The following PIBF1 variants were observed in gnomAD, a reference collection of about 807,000 sequenced individuals.
PIBF1 encodes progesterone-induced-blocking factor 1.
Under a neutral mutation model 112.5 loss-of-function variants are expected in PIBF1, and 90 were observed. The ratio of observed to expected loss-of-function variants is 0.80; its 90% CI spans 0.67 to 0.95. PIBF1 has a LOEUF of 0.95. PIBF1 is among the 40% of genes least tolerant of loss of function. The pLI, the probability that PIBF1 is intolerant of heterozygous loss-of-function variation, is 0.00. For missense variants in PIBF1, 915 were observed against 852.3 expected (o/e 1.07, Z -0.92); for synonymous variants, 301 against 288.6 (o/e 1.04, Z -0.44).
intron 14 of PIBF1, among the ~76,000 whole-genome samples, chr13:72,932,920 A>G (rs2041753830): frequency 6.6e-6 from 1 of 152,070 alleles, no homozygotes; most frequent in Non-Finnish European, 1.5e-5. Flanking sequence ...CTTTGTGTGG[A>G]TGTACCAGTT....
chr13:72,802,029 T>C (rs1381308367), intron 5 of PIBF1, among the ~76,000 whole-genome samples: 1 of 152,234 alleles, frequency 6.6e-6, no homozygotes, highest in Non-Finnish European at 1.5e-5. Context: ...CTAGCTTTTA[T>C]TGTAAGAATA....
intron 16 of PIBF1, among the ~76,000 whole-genome samples, chr13:72,996,325 A>G (rs1407784724): frequency 6.6e-6 from 1 of 152,070 alleles, no homozygotes; most frequent in Non-Finnish European, 1.5e-5. Flanking sequence ...ATAAACATAC[A>G]CAAACCCTTA....
At chr13:72,920,648 G>C (rs752386516) in intron 13 of PIBF1, among the ~76,000 whole-genome samples, 3 of 152,094 alleles carry the variant, frequency 2.0e-5, no homozygotes, top group African/African-American at 7.2e-5. Flanking sequence ...GGAGCCAGAC[G>C]CACTGGCATG....
chr13:72,947,043 G>A lies in PIBF1; in HGVS notation c.1833+15776G>A, dbSNP rs572965154. On this transcript the variant is annotated intron_variant, in intron 14 of 17. Transcript: ENST00000326291. The stretch of plus-strand genomic sequence containing the variant: ...TGCTCCAACCCCACATTTCCCTTCC[G>A]CACTGCCCTAGCAGAGGTTCTCCAT... Among the ~76,000 whole-genome samples the A allele has an allele frequency of 7.7e-4, 118 of 152,304 alleles. 1 individual carries two copies. Among genetic ancestry groups the A allele is most frequent in the African/African-American group, 1.3e-3 (52 of 41,572 alleles).
chr13:72,999,043 C>T, intron 17 of PIBF1, 48 bp downstream of exon 17: 2 of 1,230,706 alleles, frequency 1.6e-6, no homozygotes, highest in Middle Eastern at 2.8e-4. Flanking sequence ...CTGATTCTTA[C>T]TAAATGTATT....
intron 5 of PIBF1, among the ~76,000 whole-genome samples, chr13:72,805,638 G>A (rs950191512): frequency 2.0e-5 from 3 of 152,046 alleles, no homozygotes; most frequent in Non-Finnish European, 2.9e-5. Context: ...TAAGCTTTGG[G>A]GAAAAAAACA....
At chr13:72,971,826 C>G (rs187831447) in intron 15 of PIBF1, among the ~76,000 whole-genome samples, 11 of 151,806 alleles carry the variant, frequency 7.2e-5, no homozygotes, top group Admixed American at 2.0e-4. Context: ...GCATCTAGTC[C>G]GTCTCCTCAG....
chr13:72,950,273 A>T (rs149751333), intron 14 of PIBF1, among the ~76,000 whole-genome samples: 1 of 152,202 alleles, frequency 6.6e-6, no homozygotes, highest in Non-Finnish European at 1.5e-5. Flanking sequence ...GAGAACCCCA[A>T]TACTTTCATT....
At chr13:72,884,922 GTTC>G (rs1207775534) in intron 10 of PIBF1, among the ~76,000 whole-genome samples, 9 of 152,012 alleles carry the variant, frequency 5.9e-5, no homozygotes, top group African/African-American at 1.9e-4. Flanking sequence ...ATGTGATTTA[GTTC>G]TTATTATGTC....
chr13:72,823,239 T>A (rs1031247207), intron 6 of PIBF1, among the ~76,000 whole-genome samples: 4 of 152,058 alleles, frequency 2.6e-5, no homozygotes, highest in Non-Finnish European at 1.5e-5. Flanking sequence ...AAAAGCACAG[T>A]CATCAGAATA....
chr13:72,911,368 G>T (rs1169710124), intron 12 of PIBF1, among the ~76,000 whole-genome samples: 2 of 151,952 alleles, frequency 1.3e-5, no homozygotes, highest in African/African-American at 2.4e-5. Flanking sequence ...TTTAACAAAG[G>T]CAGCAAAGCA....
In PIBF1 at chr13:72,965,294, A is replaced by G. The variant is rs1453178310; in HGVS notation, c.1854A>G (p.Leu618=). Residue 618 remains leucine, a synonymous_variant, in exon 15 of 18, where the codon CTA becomes CTG. Transcript: ENST00000326291. ...TTTAGCTTGACAGAGCCAATTCGCT[A>G]TTAAACCAGACTCAACAGCCTTACA... ...LSQELDRANS[L]LNQTQQPYRY... is the part of the protein sequence containing the mutation. 1.1e-5 allele frequency: 18 copies of G among 1,611,078 alleles called. No individual in the cohort carries two copies. The highest frequency in any genetic ancestry group is 2.2e-5 in the East Asian group (1 of 44,796).
At chr13:72,906,823 G>C (rs1489953032) in intron 11 of PIBF1, among the ~76,000 whole-genome samples, 8 of 151,854 alleles carry the variant, frequency 5.3e-5, no homozygotes, top group African/African-American at 1.7e-4. Flanking sequence ...GGGGAGGTGG[G>C]GTACAAATGA....
At chr13:72,997,822 T>G (rs1389563952) in intron 16 of PIBF1, among the ~76,000 whole-genome samples, 2 of 152,210 alleles carry the variant, frequency 1.3e-5, no homozygotes, top group African/African-American at 4.8e-5. Flanking sequence ...GAGTTTAGCC[T>G]GTCATCTCTC....
intron 11 of PIBF1, among the ~76,000 whole-genome samples, chr13:72,902,293 CG>C (rs1566426792): frequency 6.7e-6 from 1 of 148,242 alleles, no homozygotes. Flanking sequence ...TATACTGCCC[CG>C]GTTGATGGGT....
intron 11 of PIBF1, among the ~76,000 whole-genome samples, chr13:72,895,599 A>G: frequency 6.6e-6 from 1 of 151,930 alleles, no homozygotes; most frequent in East Asian, 1.9e-4. Context: ...TTTTACCTTT[A>G]GATAGGTCTG....
chr13:72,892,986 A>G (rs972006016), intron 10 of PIBF1, among the ~76,000 whole-genome samples: 11 of 152,312 alleles, frequency 7.2e-5, no homozygotes, highest in African/African-American at 2.6e-4. Flanking sequence ...CTACCAATGT[A>G]TACACCTTAC....
At chr13:72,879,716 G>C (rs1435646911) in intron 10 of PIBF1, among the ~76,000 whole-genome samples, 1 of 152,080 alleles carries the variant, frequency 6.6e-6, no homozygotes, top group Non-Finnish European at 1.5e-5. Flanking sequence ...ATGGCCGATA[G>C]GCCAAATCCA....
At chr13:73,003,143 T>A (rs2043926196) in intron 17 of PIBF1, among the ~76,000 whole-genome samples, 2 of 152,136 alleles carry the variant, frequency 1.3e-5, no homozygotes, top group South Asian at 4.1e-4. Context: ...TTGGCTAGCA[T>A]ATGTTGTATA....
Sources: allele counts gnomAD v4.1 joint callset (sites outside exome capture counted in the v4.1 genomes callset), GRCh38; gene constraint gnomAD v4.1.1; transcripts MANE v1.5; gene names NCBI Gene and HGNC (gene_info 2026-07-23, HGNC 2026-07-21).